The following SLC7A8 variants were observed in gnomAD, a reference collection of about 807,000 sequenced individuals.
SLC7A8 encodes solute carrier family 7 member 8, also known as large neutral amino acids transporter small subunit 2.
SLC7A8 carries 30 observed loss-of-function variants against 51.2 expected under a neutral mutation model. The ratio of observed to expected loss-of-function variants is 0.59; its 90% confidence interval spans 0.44 to 0.80. The LOEUF (loss-of-function observed/expected upper bound fraction) is 0.80, where lower values mean the gene tolerates loss of function less well. Among genes scored for constraint, SLC7A8 ranks in the 30% least tolerant of loss-of-function variants. The pLI is 0.00. For synonymous variants in SLC7A8, 257 were observed against 275.8 expected (o/e 0.93, Z 0.67); for missense variants, 612 against 674.4 (o/e 0.91, Z 1.03).
rs767886245 is a variant in SLC7A8 at position 23,127,294 on chromosome 14, C to A, written c.1491G>T (p.Glu497Asp). The change falls in exon 11 of 11, where the codon GAG becomes GAT. Residue 497 changes from glutamate (E) to aspartate (D), a missense_variant. Transcript: ENST00000316902. ...CCTCTGTCCCTGAGCCCCGCTCCAC[C>A]TCGGGGTACACGACCACACACATCT... ...SQKMCVVVYPEVERGSGTEEA... is the reference protein window; with the variant it reads ...SQKMCVVVYPDVERGSGTEEA... The A allele has an allele frequency of 6.2e-7, 1 of 1,614,110 alleles. No individual in the cohort carries two copies. The highest frequency in any genetic ancestry group is 1.3e-5 in the African/African-American group (1 of 75,028).
chr14:23,161,600 G>GGGTGGGGGTAGGTC (rs1164318736), intron 3 of SLC7A8, among the ~76,000 whole-genome samples: 26 of 146,688 alleles, frequency 1.8e-4, no homozygotes, highest in African/African-American at 6.6e-4. Flanking sequence ...GGGGGTAGGT[G>GGGTGGGGGTAGGTC]GGTGGGTGGG....
At chr14:23,158,537 G>A (rs1329951402) in intron 3 of SLC7A8, among the ~76,000 whole-genome samples, 2 of 152,154 alleles carry the variant, frequency 1.3e-5, no homozygotes, top group African/African-American at 4.8e-5. Context: ...GTAGCGACGG[G>A]GTTTCACCAT....
chr14:23,160,396 G>A (rs892429436), intron 3 of SLC7A8, among the ~76,000 whole-genome samples: 5 of 151,916 alleles, frequency 3.3e-5, no homozygotes, highest in African/African-American at 1.2e-4. Context: ...AAGGTGAAAC[G>A]CTGTCTGTAC....
At chr14:23,180,039 G>A (rs924387506) in intron 1 of SLC7A8, among the ~76,000 whole-genome samples, 5 of 151,792 alleles carry the variant, frequency 3.3e-5, no homozygotes, top group African/African-American at 1.2e-4. Context: ...ACGAGTAGCT[G>A]GGACTACAGG....
At position 23,144,956 on chromosome 14, in the gene SLC7A8, G is replaced by A. The variant is rs770267171; in HGVS notation, c.509-1752C>T. On this transcript the variant is annotated intron_variant, in intron 3 of 10. Transcript: ENST00000316902. ...TTCTTTTTTTTTTTTTTTCTGAGACGGAGTCTCACTCTGTCGCTCAGGCTG... is the reference window on the plus strand; with the variant it reads ...TTCTTTTTTTTTTTTTTTCTGAGACAGAGTCTCACTCTGTCGCTCAGGCTG... 1.3e-3 allele frequency among the ~76,000 whole-genome samples: 186 copies of A among 144,700 alleles called. 1 individual carries two copies. The highest frequency in any genetic ancestry group is 2.4e-3 in the Non-Finnish European group (159 of 66,644). The allele number at this position is 144,700 out of a possible 152,430, so 94.9% of individuals were successfully genotyped here. A position where few individuals can be genotyped will look rare whatever the true frequency, so the allele number is the denominator to read the frequency against.
chr14:23,169,956 T>C (rs1297465559), intron 1 of SLC7A8, among the ~76,000 whole-genome samples: 1 of 152,212 alleles, frequency 6.6e-6, no homozygotes, highest in Non-Finnish European at 1.5e-5. Flanking sequence ...TCTTCTATGC[T>C]GTACTTCATA....
At chr14:23,137,490 C>A (rs2048701375) in intron 7 of SLC7A8, among the ~76,000 whole-genome samples, 2 of 152,150 alleles carry the variant, frequency 1.3e-5, no homozygotes, top group South Asian at 4.1e-4. Flanking sequence ...CCCAGAGGCC[C>A]CAGGCACAAG....
In SLC7A8 at chr14:23,182,824, C is replaced by G; in HGVS notation, c.91G>C (p.Gly31Arg). The G allele has an allele frequency of 1.2e-6, 2 of 1,613,864 alleles. No individual in the cohort carries two copies. Among genetic ancestry groups the G allele is most frequent in the Non-Finnish European group, 1.7e-6 (2 of 1,179,872 alleles). ...TCTTTCTTCAGGGCTACTCCGCCCC[C>G]TCCGGAACCAGCCTCGGGGCTGGCG... is the stretch of plus-strand genomic sequence containing the variant. Reference protein sequence around the residue: ...SDASPEAGSGGGGVALKKEIG... With the variant: ...SDASPEAGSGRGGVALKKEIG... Residue 31 changes from glycine (G) to arginine (R), a missense_variant, in exon 1 of 11, where the codon GGG becomes CGG. Gly to Arg is a moderately radical substitution (Grantham distance 125, BLOSUM62 -2). Transcript: ENST00000316902.
At chr14:23,179,966 C>T (rs1361842345) in intron 1 of SLC7A8, among the ~76,000 whole-genome samples, 3 of 147,878 alleles carry the variant, frequency 2.0e-5, no homozygotes, top group Admixed American at 6.8e-5. Context: ...AGTGCAGTGG[C>T]GCAACCTTGG....
At chr14:23,151,818 C>T (rs1333781369) in intron 3 of SLC7A8, among the ~76,000 whole-genome samples, 2 of 148,982 alleles carry the variant, frequency 1.3e-5, no homozygotes, top group Non-Finnish European at 3.0e-5. Context: ...AATCCCAGCA[C>T]TTTGGGAAGC....
chr14:23,171,035 C>T (rs931647931), intron 1 of SLC7A8, among the ~76,000 whole-genome samples: 2 of 152,100 alleles, frequency 1.3e-5, no homozygotes, highest in African/African-American at 2.4e-5. Context: ...GGCCAACACA[C>T]GTTTCTTGAT....
intron 7 of SLC7A8, among the ~76,000 whole-genome samples, chr14:23,134,149 G>C (rs1028636435): frequency 4.8e-5 from 6 of 124,348 alleles, no homozygotes; most frequent in African/African-American, 1.5e-4. Context: ...TTATTAAAAT[G>C]CTAACTGATT....
intron 3 of SLC7A8, among the ~76,000 whole-genome samples, chr14:23,150,940 G>A (rs58979128): frequency 0.13 from 19,189 of 152,190 alleles, 3,076 homozygotes; most frequent in African/African-American, 0.38. Flanking sequence ...TGGGTCACAG[G>A]TACAGGCTGT....
At chr14:23,182,695 A>T in intron 1 of SLC7A8, 69 bp downstream of exon 1, 1 of 1,461,704 alleles carries the variant, frequency 6.8e-7, no homozygotes, top group Middle Eastern at 1.8e-4. Context: ...ATGCTTTCGA[A>T]GGGTTAAGAT....
In SLC7A8 at chr14:23,160,528, G is replaced by A. The variant is rs569854496; in HGVS notation, c.508+4757C>T. ...AGAGCTTGCAGTGAGCCGAGATCGC[G>A]CCACTGCACTCCAGCCTGGGTGACG... On this transcript the variant is annotated intron_variant, in intron 3 of 10. Transcript: ENST00000316902. 1.7e-4 allele frequency among the ~76,000 whole-genome samples: 25 copies of A among 146,306 alleles called. 1 individual carries two copies. Among genetic ancestry groups the A allele is most frequent in the South Asian group, 1.1e-3 (5 of 4,628 alleles).
intron 4 of SLC7A8, among the ~76,000 whole-genome samples, chr14:23,141,979 A>G (rs1419371443): frequency 6.6e-6 from 1 of 152,204 alleles, no homozygotes; most frequent in Non-Finnish European, 1.5e-5. Flanking sequence ...TGACCAGGAG[A>G]AAGAATTGAG....
In SLC7A8 at chr14:23,148,790, A is replaced by G. The variant is rs148832124; in HGVS notation, c.509-5586T>C. 1.1e-3 allele frequency among the ~76,000 whole-genome samples: 173 copies of G among 152,338 alleles called. 3 individuals carry two copies. In the East Asian group the frequency reaches 0.031, roughly 28 times the overall value. On this transcript the variant is annotated intron_variant, in intron 3 of 10. Transcript: ENST00000316902. ...AGGAATTCTCCCCAGAGCCTCCTGA[A>G]GAAATTCAGGCCTGCTGACGCTAGA...
At chr14:23,169,042 G>A (rs868357747) in intron 1 of SLC7A8, among the ~76,000 whole-genome samples, 4 of 152,180 alleles carry the variant, frequency 2.6e-5, no homozygotes, top group Middle Eastern at 3.4e-3. Context: ...CCTTATTTTT[G>A]ACCAAATTAA....
chr14:23,127,448 T>C, intron 10 of SLC7A8, 105 bp from the exon 11 acceptor site: 1 of 1,341,670 alleles, frequency 7.5e-7, no homozygotes, highest in Non-Finnish European at 1.0e-6. Flanking sequence ...GTTCTGCCTC[T>C]TCAGAGCAGT....
Sources: allele counts gnomAD v4.1 joint callset (sites outside exome capture counted in the v4.1 genomes callset), GRCh38; gene constraint gnomAD v4.1.1; transcripts MANE v1.5; gene names NCBI Gene and HGNC (gene_info 2026-07-23, HGNC 2026-07-21).